The following ARHGEF1 variants were observed in gnomAD, a reference collection of about 807,000 sequenced individuals.
ARHGEF1 encodes the protein Rho guanine nucleotide exchange factor 1.
ARHGEF1 carries 40 observed loss-of-function variants against 119.7 expected under a neutral mutation model. The ratio of observed to expected loss-of-function variants is 0.33; its 90% CI spans 0.26 to 0.44. The LOEUF (loss-of-function observed/expected upper bound fraction) is 0.44, where lower values mean the gene tolerates loss of function less well. Among genes scored for constraint, ARHGEF1 ranks in the 20% least tolerant of loss-of-function variants. The pLI is 1.00. For missense variants in ARHGEF1, 976 were observed against 1,268.3 expected, an observed-to-expected ratio of 0.77 and a Z score of 3.50; for synonymous variants, 494 against 521.0, an observed-to-expected ratio of 0.95 and a Z score of 0.71.
intron 28 of ARHGEF1, 78 bp from the exon 29 acceptor site, chr19:41,907,027 T>A: frequency 7.5e-7 from 1 of 1,334,990 alleles, no homozygotes; most frequent in Admixed American, 2.8e-5. Flanking sequence ...CTGCTCTCCC[T>A]GTCTTGTCTC....
At position 41,904,198 on chromosome 19, in the gene ARHGEF1, G is replaced by C. The variant is rs1460706845; in HGVS notation, c.1994-18G>C. On this transcript the variant is annotated intron_variant, in intron 21 of 28. Transcript: ENST00000354532. This position sits in a 1 kb window ranked among gnomAD's most constrained non-coding sequence, Gnocchi z 8.4. ...GGTCGCGCGGGGGCACGCCGTGTGA[G>C]CACTGCTCGCCCCGTAGAGGTGCAT... 20 of 1,613,084 alleles carry C rather than the reference G, an allele frequency of 1.2e-5. No individual in the cohort carries two copies. In the Admixed American group the frequency reaches 2.8e-4, roughly 23 times the overall value.
In ARHGEF1 at chr19:41,902,674, G is replaced by T. The variant is rs782573326; in HGVS notation, c.1623+16G>T. On this transcript the variant is annotated intron_variant, in intron 17 of 28. Transcript: ENST00000354532. The surrounding 1 kb of genome is among the most constrained non-coding windows in gnomAD (Gnocchi z 6.5). ...CTTCGTGCAGGTGAGGTGGGGTCTGGACTCCAGCTTCCCAGGGAGGAGGGG... is the reference window on the plus strand; with the variant it reads ...CTTCGTGCAGGTGAGGTGGGGTCTGTACTCCAGCTTCCCAGGGAGGAGGGG... 1.2e-6 allele frequency: 2 copies of T among 1,613,982 alleles called. No individual in the cohort carries two copies. The highest frequency in any genetic ancestry group is 1.7e-6 in the Non-Finnish European group (2 of 1,179,924).
chr19:41,895,571 A>G, intron 12 of ARHGEF1, 85 bp downstream of exon 12: 2 of 1,436,746 alleles, frequency 1.4e-6, no homozygotes, highest in Non-Finnish European at 1.9e-6. Context: ...CCCCAGATAG[A>G]AGCCATTCCC....
At position 41,905,265 on chromosome 19, in the gene ARHGEF1, AG is replaced by A; in HGVS notation, c.2336+10del. ...AGCCCCGGCCCAGCCCGAGCAGGTGAGGGGGGCCATGGAGAGAGCTGGAGGT... is the reference window on the plus strand; with the variant it reads ...AGCCCCGGCCCAGCCCGAGCAGGTGAGGGGGCCATGGAGAGAGCTGGAGGT... On this transcript the variant is annotated splice_donor_5th_base_variant and intron_variant, in intron 24 of 28. Transcript: ENST00000354532. The surrounding 1 kb of genome is among the most constrained non-coding windows in gnomAD (Gnocchi z 6.4). The A allele has an allele frequency of 6.2e-7, 1 of 1,611,302 alleles. No homozygotes were observed. Among genetic ancestry groups the A allele is most frequent in the Non-Finnish European group, 8.5e-7 (1 of 1,178,862 alleles).
exon 1 of ARHGEF1, chr19:41,923,125 A>G (rs2074851664): frequency 2.2e-6 from 1 of 456,266 alleles, no homozygotes; most frequent in Non-Finnish European, 4.4e-6. Flanking sequence ...TGAGGTAGGA[A>G]CTGCCATGAT....
At chr19:41,929,052 C>A in intron 2 of ARHGEF1, 1 of 366,240 alleles carries the variant, frequency 2.7e-6, no homozygotes, top group African/African-American at 2.1e-5. Context: ...CAGACACACA[C>A]ACACAGACCT....
chr19:41,925,681 G>C (rs11665965), intron 1 of ARHGEF1, among the ~76,000 whole-genome samples: 30 of 151,796 alleles, frequency 2.0e-4, no homozygotes, highest in Non-Finnish European at 3.7e-4. Flanking sequence ...TGTCTGTGAT[G>C]AGTAACCCGA....
rs1383694979 is a variant in ARHGEF1 at position 41,907,440 on chromosome 19, T to C, written c.*353T>C. 1 of 1,519,108 alleles carries C rather than the reference T, an allele frequency of 6.6e-7. No individual in the cohort carries two copies. The highest frequency in any genetic ancestry group is 1.4e-5 in the African/African-American group (1 of 72,302). 94.1% of individuals were successfully genotyped at this position (1,519,108 alleles called of 1,614,324 possible). ...TTGGAGGTTTATTTTTTAATATATA[T>C]TATCTAAGAAGAGATCTGTGTGTGT... On this transcript the variant is annotated 3_prime_UTR_variant, in exon 29 of 29. Coordinates refer to ENST00000354532, the MANE Select transcript of ARHGEF1 (RefSeq NM_004706.4).
At position 41,888,080 on chromosome 19, in the gene ARHGEF1, G is replaced by C. The variant is rs2074321878; in HGVS notation, c.-3G>C. The C allele has an allele frequency of 6.2e-7, 1 of 1,613,046 alleles. No homozygotes were observed. Among genetic ancestry groups the C allele is most frequent in the African/African-American group, 1.3e-5 (1 of 74,846 alleles). On this transcript the variant is annotated 5_prime_UTR_variant, in exon 2 of 29. Coordinates refer to ENST00000354532, the MANE Select transcript of ARHGEF1 (RefSeq NM_004706.4). This position sits in a 1 kb window ranked among gnomAD's most constrained non-coding sequence, Gnocchi z 5.1. ...TTCCTCCAGCCCTGCAGAGCCCAGGGAGATGGAAGACTTCGCCCGAGGGGC... is the reference window on the plus strand; with the variant it reads ...TTCCTCCAGCCCTGCAGAGCCCAGGCAGATGGAAGACTTCGCCCGAGGGGC...
chr19:41,907,431 T>A lies in ARHGEF1; in HGVS notation c.*344T>A, dbSNP rs1326690621. Reference sequence around the variant, plus strand: ...TACCCTGAATTGGAGGTTTATTTTTTAATATATATTATCTAAGAAGAGATC... The same window carrying A: ...TACCCTGAATTGGAGGTTTATTTTTAAATATATATTATCTAAGAAGAGATC... On this transcript the variant is annotated 3_prime_UTR_variant, in exon 29 of 29. Coordinates refer to ENST00000354532, the MANE Select transcript of ARHGEF1 (RefSeq NM_004706.4). The A allele has an allele frequency of 2.0e-6, 3 of 1,524,668 alleles. No individual in the cohort carries two copies. The African/African-American group carries it at 4.1e-5, about 21-fold the overall frequency. 94.4% of individuals were successfully genotyped at this position (1,524,668 alleles called of 1,614,324 possible). A position where few individuals can be genotyped will look rare whatever the true frequency, so the allele number is the denominator to read the frequency against.
intron 1 of ARHGEF1, among the ~76,000 whole-genome samples, chr19:41,924,246 G>A (rs1321625016): frequency 3.9e-5 from 6 of 151,958 alleles, no homozygotes; most frequent in African/African-American, 1.5e-4. Flanking sequence ...GGGCAGATGA[G>A]GGAGGTAAGG....
intron 1 of ARHGEF1, chr19:41,923,368 A>G (rs1221415006): frequency 5.7e-6 from 2 of 351,862 alleles, no homozygotes; most frequent in African/African-American, 4.3e-5. Flanking sequence ...AGAGAGAGTC[A>G]GAGAGCTGTA....
chr19:41,910,869 C>G (rs1599671384), downstream of ARHGEF1, among the ~76,000 whole-genome samples: 6 of 152,318 alleles, frequency 3.9e-5, no homozygotes, highest in Admixed American at 3.9e-4. The surrounding 1 kb of genome is among the most constrained non-coding windows in gnomAD (Gnocchi z 4.4). Flanking sequence ...ATGGCAGACA[C>G]AGGCTGCGCA....
chr19:41,884,061 TG>T (rs1454629267), intron 1 of ARHGEF1, among the ~76,000 whole-genome samples: 22 of 151,882 alleles, frequency 1.4e-4, no homozygotes, highest in Admixed American at 1.2e-3. Context: ...GTCCCCTAAG[TG>T]GGGAGACTAA....
chr19:41,912,735 G>A, intron 18 of ARHGEF1: 1 of 411,218 alleles, frequency 2.4e-6, no homozygotes, highest in East Asian at 3.6e-5. Flanking sequence ...CCAAGACTGA[G>A]AGAGAAGGAC....
chr19:41,918,958 G>GCACACCA (rs1196159635), upstream of ARHGEF1, among the ~76,000 whole-genome samples: 1 of 134,222 alleles, frequency 7.5e-6, no homozygotes, highest in Admixed American at 7.3e-5. Context: ...ATACACACAT[G>GCACACCA]CACACCACAC....
In ARHGEF1 at chr19:41,916,812, ACAC is replaced by A. The variant is rs2074804428; in HGVS notation, c.1866-6277_1866-6275del. Among the ~76,000 whole-genome samples, 2 of 151,678 alleles carry A rather than the reference ACAC, an allele frequency of 1.3e-5. No individual in the cohort carries two copies. Among genetic ancestry groups the A allele is most frequent in the South Asian group, 4.2e-4 (2 of 4,796 alleles). On this transcript the variant is annotated intron_variant, in intron 18 of 20. Coordinates refer to the ARHGEF1 transcript ENST00000599589. This position sits in a 1 kb window ranked among gnomAD's most constrained non-coding sequence, Gnocchi z 5.4. ...CAGACACAGTCACAATCACACACACACACCAAGATCACGGACCCAAACATACGA... is the reference window on the plus strand; with the variant it reads ...CAGACACAGTCACAATCACACACACACAAGATCACGGACCCAAACATACGA...
At chr19:41,908,486 C>T, downstream of ARHGEF1, 1 of 1,231,596 alleles carries the variant, frequency 8.1e-7, no homozygotes, top group Non-Finnish European at 1.0e-6. The surrounding 1 kb of genome is among the most constrained non-coding windows in gnomAD (Gnocchi z 6.7). Context: ...TGGGGCCTCC[C>T]CCTGCCCCTG....
chr19:41,911,584 G>A (rs536151503), downstream of ARHGEF1, among the ~76,000 whole-genome samples: 7 of 152,278 alleles, frequency 4.6e-5, no homozygotes, highest in Non-Finnish European at 1.0e-4. Context: ...AGGCCGGGGA[G>A]CTCCAGGCAG....
Sources: allele counts gnomAD v4.1 joint callset (sites outside exome capture counted in the v4.1 genomes callset), GRCh38; gene constraint gnomAD v4.1.1; non-coding constraint Gnocchi (gnomAD v3.1); transcripts MANE v1.5; gene names NCBI Gene and HGNC (gene_info 2026-07-23, HGNC 2026-07-21).